The following NAA38 variants were observed in gnomAD, a reference collection of about 807,000 sequenced individuals.
The protein encoded by NAA38 is LSM domain containing 1.
NAA38 carries 15 observed loss-of-function variants against 12.6 expected under a neutral mutation model. The ratio of observed to expected loss-of-function variants is 1.19; its 90% confidence interval spans 0.79 to 1.83. NAA38 has a LOEUF of 1.83. NAA38 is among the 40% of genes most tolerant of loss of function. The pLI is 0.00. For synonymous variants in NAA38, 88 were observed against 69.9 expected, an observed-to-expected ratio of 1.26 and a Z score of -1.29; for missense variants, 183 against 171.7, an observed-to-expected ratio of 1.07 and a Z score of -0.37.
chr17:7,876,313 T>A (rs1967174959), intron 2 of NAA38, among the ~76,000 whole-genome samples: 1 of 152,140 alleles, frequency 6.6e-6, no homozygotes, highest in Admixed American at 6.5e-5. Context: ...CCTGGTACAC[T>A]TAACACTTGA....
At chr17:7,885,083 G>A in intron 1 of NAA38, 2 of 970,632 alleles carry the variant, frequency 2.1e-6, no homozygotes, top group Non-Finnish European at 2.4e-6. Context: ...CCCGCCGCCA[G>A]GTAAGCGCCC....
upstream of NAA38, chr17:7,859,076 G>A: frequency 1.8e-6 from 1 of 568,554 alleles, no homozygotes. Flanking sequence ...AGTGATGGTG[G>A]TCCTTCGAAG....
chr17:7,884,196 G>A (rs1003844297), intron 1 of NAA38, among the ~76,000 whole-genome samples: 56 of 151,644 alleles, frequency 3.7e-4, no homozygotes, highest in African/African-American at 8.7e-4. Context: ...AGATGGGGGT[G>A]TAACAGGGAG....
At chr17:7,860,848 T>C (rs1307442173), upstream of NAA38, 1 of 152,176 alleles carries the variant, frequency 6.6e-6, no homozygotes, top group African/African-American at 2.4e-5. Flanking sequence ...TCTCCTGACC[T>C]TTTGGGGCAA....
upstream of NAA38, chr17:7,858,733 A>G (rs772224372): frequency 2.5e-6 from 4 of 1,606,854 alleles, no homozygotes; most frequent in Non-Finnish European, 3.4e-6. Flanking sequence ...CCCTGGTGGC[A>G]GGGGTCGTAT....
intron 2 of NAA38, among the ~76,000 whole-genome samples, chr17:7,879,202 C>T (rs888756600): frequency 1.3e-5 from 2 of 152,028 alleles, no homozygotes; most frequent in African/African-American, 4.8e-5. Flanking sequence ...ATTTACATGC[C>T]TTTCATTATT....
chr17:7,885,042 C>T lies in NAA38; in HGVS notation c.-167+123G>A, dbSNP rs1281358012. 7 of 1,094,990 alleles carry T rather than the reference C, an allele frequency of 6.4e-6. No individual in the cohort carries two copies. In the African/African-American group the frequency reaches 1.0e-4, roughly 16 times the overall value. The allele number at this position is 1,094,990 out of a possible 1,614,324, so 67.8% of individuals were successfully genotyped here. A position where few individuals can be genotyped will look rare whatever the true frequency, so the allele number is the denominator to read the frequency against. On this transcript the variant is annotated intron_variant, in intron 1 of 4. Transcript: ENST00000576861. ...CACCTCTTCCCGCCGCCGCCGCCGC[C>T]GCCGCCACCGCTGCCCCCGCCGCCG...
intron 2 of NAA38, among the ~76,000 whole-genome samples, chr17:7,877,582 G>A (rs1025650091): frequency 6.6e-6 from 1 of 152,012 alleles, no homozygotes; most frequent in Non-Finnish European, 1.5e-5. Context: ...TGGAGATTTA[G>A]GGTGTTTCCA....
intron 2 of NAA38, among the ~76,000 whole-genome samples, chr17:7,880,921 G>A (rs1383509017): frequency 6.6e-6 from 1 of 152,134 alleles, no homozygotes; most frequent in African/African-American, 2.4e-5. Flanking sequence ...CAAAAGACAC[G>A]TGCTTTGGGT....
At chr17:7,861,629 C>T (rs1331659511), upstream of NAA38, 1 of 152,208 alleles carries the variant, frequency 6.6e-6, no homozygotes, top group African/African-American at 2.4e-5. Flanking sequence ...TCCCTTTCCT[C>T]ACACATCCAG....
chr17:7,883,738 CAG>C (rs1246036349), intron 1 of NAA38, among the ~76,000 whole-genome samples: 3 of 150,730 alleles, frequency 2.0e-5, no homozygotes, highest in African/African-American at 4.9e-5. Context: ...TATGTAGAAA[CAG>C]AGTTATATAT....
intron 2 of NAA38, among the ~76,000 whole-genome samples, chr17:7,880,359 G>GA (rs142996525): frequency 0.099 from 15,037 of 151,808 alleles, 1,746 homozygotes; most frequent in African/African-American, 0.28. Context: ...TTAAACTCAG[G>GA]AAAACAGGCA....
chr17:7,866,508 G>C, exon 3 of NAA38: 1 of 1,231,528 alleles, frequency 8.1e-7, no homozygotes, highest in Non-Finnish European at 1.0e-6. Flanking sequence ...CAGAAGGTAA[G>C]ATTTGGCTCT....
At position 7,874,801 on chromosome 17, in the gene NAA38, G is replaced by A. The variant is rs144438148; in HGVS notation, c.-65-8243C>T. ...CCTAGGAGGCTGAGGCAGGAGAATCGCTTGAACCAGGAGGTGGAGGTTGCA... is the reference window on the plus strand; with the variant it reads ...CCTAGGAGGCTGAGGCAGGAGAATCACTTGAACCAGGAGGTGGAGGTTGCA... On this transcript the variant is annotated intron_variant, in intron 2 of 4. Transcript: ENST00000576861. 6.9e-4 allele frequency among the ~76,000 whole-genome samples: 102 copies of A among 148,722 alleles called. No individual in the cohort carries two copies. In the East Asian group the frequency reaches 0.017, roughly 24 times the overall value.
chr17:7,867,900 G>A (rs1294367511), intron 2 of NAA38, among the ~76,000 whole-genome samples: 20 of 152,210 alleles, frequency 1.3e-4, no homozygotes, highest in Admixed American at 1.3e-3. Context: ...GATGACACCC[G>A]TGTCTGGCCT....
chr17:7,859,541 C>T (rs142059605), upstream of NAA38: 5,558 of 1,614,152 alleles, frequency 3.4e-3, 9 homozygotes, highest in Non-Finnish European at 4.2e-3. Flanking sequence ...ATTTGACTAT[C>T]TCAGTATGGA....
At chr17:7,858,416 G>A, upstream of NAA38, 2 of 1,614,160 alleles carry the variant, frequency 1.2e-6, no homozygotes, top group Non-Finnish European at 8.5e-7. Flanking sequence ...ACCTGCTGCT[G>A]AAACCCATCG....
upstream of NAA38, chr17:7,858,496 C>A (rs758150610): frequency 4.3e-6 from 7 of 1,614,042 alleles, no homozygotes; most frequent in Admixed American, 1.7e-5. Flanking sequence ...TATGCTGGAA[C>A]CTGGGATTGT....
intron 2 of NAA38, among the ~76,000 whole-genome samples, chr17:7,875,965 A>G (rs1967168263): frequency 6.6e-6 from 1 of 152,250 alleles, no homozygotes; most frequent in Non-Finnish European, 1.5e-5. Flanking sequence ...TATAGCATGT[A>G]TCAGTATTCC....
Sources: gnomAD v4.1 joint callset for allele counts (sites outside exome capture counted in the v4.1 genomes callset) on GRCh38, gnomAD v4.1.1 for gene constraint, MANE v1.5 for transcripts, NCBI Gene and HGNC (gene_info 2026-07-23, HGNC 2026-07-21) for gene names.